The following TTN variants were observed in gnomAD, a reference collection of about 807,000 sequenced individuals.
TTN encodes the protein titin, also known as connectin.
TTN carries 1,525 observed loss-of-function variants against 3,223.0 expected under a neutral mutation model. The ratio of observed to expected loss-of-function variants is 0.47; its 90% confidence interval spans 0.45 to 0.49. TTN has a LOEUF of 0.49. Among genes scored for constraint, TTN ranks in the 20% least tolerant of loss-of-function variants. TTN has a pLI of 0.00. For missense variants in TTN, 40,786 were observed against 43,424.0 expected (o/e 0.94, Z 5.40); for synonymous variants, 14,094 against 15,161.0 (o/e 0.93, Z 5.17).
At position 178,571,399 on chromosome 2, in the gene TTN, A is replaced by C. The variant is rs1708130618; in HGVS notation, c.74733T>G (p.Pro24911=). ...ACAGTGTGACAACTGGAGTGCCAGG[A>C]GGACCAGGAACTTTGAATGGATATT... is the stretch of plus-strand genomic sequence containing the variant. ...VAQYPFKVPG[P]PGTPVVTLSS... Residue 24911 remains proline, a synonymous_variant, in exon 326 of 363, where the codon CCT becomes CCG. Transcript: ENST00000589042. 6.2e-7 allele frequency: 1 copy of C among 1,613,394 alleles called. No individual in the cohort carries two copies. Among genetic ancestry groups the C allele is most frequent in the Non-Finnish European group, 8.5e-7 (1 of 1,179,560 alleles).
chr2:178,629,170 C>T lies in TTN; in HGVS notation c.44424+131G>A, dbSNP rs562522787. 1.3e-4 allele frequency: 166 copies of T among 1,277,770 alleles called. No individual in the cohort carries two copies. In the South Asian group the frequency reaches 2.8e-3, roughly 22 times the overall value. 79.2% of individuals were successfully genotyped at this position (1,277,770 alleles called of 1,614,324 possible). ...CTTTACAGTTTCAGCAGAAATCAGG[C>T]TAAAGGCGGAAAGAGAAAGGCAAAG... On this transcript the variant is annotated intron_variant, in intron 240 of 362. Coordinates refer to ENST00000589042, the MANE Select transcript of TTN (RefSeq NM_001267550.2).
In TTN at chr2:178,720,375, G is replaced by A. The variant is rs766310887; in HGVS notation, c.23377+10C>T. 1 of 1,604,526 alleles carries A rather than the reference G, an allele frequency of 6.2e-7. No homozygotes were observed. The stretch of plus-strand genomic sequence containing the variant: ...AAGGGGCATATATTTTTGTGTCCAT[G>A]TATACAAACCTTTGAACTTGACAGA... On this transcript the variant is annotated intron_variant, in intron 80 of 362. Coordinates refer to ENST00000589042, the MANE Select transcript of TTN (RefSeq NM_001267550.2).
At chr2:178,555,217 CA>C in intron 330 of TTN, 65 bp from the exon 331 acceptor site, 1 of 1,482,010 alleles carries the variant, frequency 6.7e-7, no homozygotes, top group Non-Finnish European at 9.2e-7. Flanking sequence ...ATAGTTGCAC[CA>C]ACCTTAAAGT....
Position 178,733,072 on chromosome 2 carries a change from A to AT in TTN, c.16103_16104insA (p.Ser5368ArgfsTer4). 6.2e-7 allele frequency: 1 copy of AT among 1,609,676 alleles called. No individual in the cohort carries two copies. The highest frequency in any genetic ancestry group is 8.5e-7 in the Non-Finnish European group (1 of 1,177,294). On this transcript the variant is annotated frameshift_variant, in exon 55 of 363. Coordinates refer to ENST00000589042, the MANE Select transcript of TTN (RefSeq NM_001267550.2). LOFTEE classifies it high-confidence loss of function. ...CCAGTCTGCAGGTACCATTAACAAC[A>AT]CTATCCACGTTGCGCAAGGGTTTGG...
Position 178,539,722 on chromosome 2 carries a change from A to G in TTN, c.98343T>C (p.Cys32781=). The G allele has an allele frequency of 6.2e-7, 1 of 1,613,774 alleles. No individual in the cohort carries two copies. Among genetic ancestry groups the G allele is most frequent in the African/African-American group, 1.3e-5 (1 of 75,014 alleles). The change falls in exon 352 of 363, where the codon TGT becomes TGC. Residue 32781 remains cysteine (C), a synonymous_variant. Transcript: ENST00000589042. The part of the protein sequence containing the change: ...GTYDLVLENK[C]GKKAVYIKVR... ...CCTTGATGTAGACAGCCTTCTTGCC[A>G]CATTTATTTTCCAGAACCAGGTCAT...
At chr2:178,559,052 CATAT>C (rs1702621331) in intron 326 of TTN, 1 of 310,920 alleles carries the variant, frequency 3.2e-6, no homozygotes, top group Non-Finnish European at 5.8e-6. Flanking sequence ...TGTATACCTA[CATAT>C]ATATACAGTT....
At chr2:178,596,114 C>T (rs1373371374) in intron 294 of TTN, among the ~76,000 whole-genome samples, 1 of 151,696 alleles carries the variant, frequency 6.6e-6, no homozygotes, top group South Asian at 2.1e-4. Context: ...CCTCAGCCTC[C>T]CAAGTAGCTG....
rs16866531 is a variant in TTN at position 178,778,905 on chromosome 2, T to C, written c.4177A>G (p.Ile1393Val). The C allele has an allele frequency of 6.9e-3, 11,170 of 1,613,932 alleles. 694 individuals carry two copies. In the African/African-American group the frequency reaches 0.13, roughly 19 times the overall value. The change falls in exon 24 of 363, where the codon ATT (isoleucine) becomes GTT (valine). Residue 1393 changes from isoleucine (I) to valine (V), a missense_variant. Coordinates refer to ENST00000589042, the MANE Select transcript of TTN (RefSeq NM_001267550.2). The stretch of plus-strand genomic sequence containing the variant: ...CTGCTCACTGGCTCTAGTGTGGGAA[T>C]GTAAGTCGGAGCTCCAAGTGGTGCA... ...PAAPLGAPTYIPTLEPVSRIR... is the reference protein window; with the variant it reads ...PAAPLGAPTYVPTLEPVSRIR...
chr2:178,685,210 C>G (rs1172779794), intron 129 of TTN, 43 bp downstream of exon 129: 2 of 1,445,194 alleles, frequency 1.4e-6, no homozygotes, highest in Admixed American at 4.7e-5. Flanking sequence ...TTATTATATA[C>G]ATTAAAATAA....
chr2:178,568,603 T>A lies in TTN; in HGVS notation c.77529A>T (p.Arg25843Ser), dbSNP rs2154167135. ...GATCCAGTGAATCGGTAACATTGATTCTTGTGGTCTGCTTCAGTGGGAGAC... is the reference window on the plus strand; with the variant it reads ...GATCCAGTGAATCGGTAACATTGATACTTGTGGTCTGCTTCAGTGGGAGAC... ...KDGLPLKQTT[R>S]INVTDSLDLT... Residue 25843 changes from arginine (R) to serine (S), a missense_variant, in exon 326 of 363, where the codon AGA becomes AGT. Coordinates refer to ENST00000589042, the MANE Select transcript of TTN (RefSeq NM_001267550.2). 1 of 1,613,402 alleles carries A rather than the reference T, an allele frequency of 6.2e-7. No homozygotes were observed. The highest frequency in any genetic ancestry group is 1.1e-5 in the South Asian group (1 of 91,058).
In TTN at chr2:178,617,781, A is replaced by G. The variant is rs886055272; in HGVS notation, c.47570T>C (p.Ile15857Thr). The change falls in exon 253 of 363, where the codon ATT becomes ACT. Residue 15857 changes from isoleucine (I) to threonine (T), a missense_variant and splice_region_variant. Physicochemically the swap from Ile to Thr is moderately conservative, Grantham distance 89 (BLOSUM62 -1). Coordinates refer to ENST00000589042, the MANE Select transcript of TTN (RefSeq NM_001267550.2). ...ATPFVKVADP[I>T]ERPSPPVNLT... ...TTTCCCTTTTTTGATGGGCTTACCA[A>G]TTGGATCAGCAACTTTGACGAAGGG... 40 of 1,612,048 alleles carry G rather than the reference A, an allele frequency of 2.5e-5. No homozygotes were observed. The highest frequency in any genetic ancestry group is 5.3e-5 in the African/African-American group (4 of 74,778).
At chr2:178,538,920 T>G in intron 353 of TTN, 26 bp downstream of exon 353, 1 of 1,591,192 alleles carries the variant, frequency 6.3e-7, no homozygotes, top group Non-Finnish European at 8.6e-7. Flanking sequence ...CTTCTTTAAT[T>G]TAACCCCTTC....
rs752485989 is a variant in TTN at position 178,570,410 on chromosome 2, A to G, written c.75722T>C (p.Ile25241Thr). 6.8e-6 allele frequency: 11 copies of G among 1,613,126 alleles called. No individual in the cohort carries two copies. The highest frequency in any genetic ancestry group is 4.5e-5 in the East Asian group (2 of 44,688). Residue 25241 changes from isoleucine to threonine, a missense_variant, in exon 326 of 363, where the codon ATT becomes ACT. Physicochemically the swap from Ile to Thr is moderately conservative, Grantham distance 89 (BLOSUM62 -1). Transcript: ENST00000589042. Reference sequence around the variant, plus strand: ...GCGGCTGGTTTCTCTCCTTTCCACAATATAATTTATGATGTCACTCCCACC... The same window carrying G: ...GCGGCTGGTTTCTCTCCTTTCCACAGTATAATTTATGATGTCACTCCCACC... Reference protein sequence around the residue: ...QDGGSDIINYIVERRETSRLV... With the variant: ...QDGGSDIINYTVERRETSRLV...
intron 151 of TTN, among the ~76,000 whole-genome samples, 181 bp downstream of exon 151, chr2:178,674,133 T>C (rs917886937): frequency 7.9e-5 from 12 of 151,760 alleles, no homozygotes; most frequent in African/African-American, 2.9e-4. Context: ...GTATTGCAGA[T>C]GTTGTAGAAA....
chr2:178,731,397 C>G lies in TTN; in HGVS notation c.17369G>C (p.Ser5790Thr). 10 of 1,613,812 alleles carry G rather than the reference C, an allele frequency of 6.2e-6. No individual in the cohort carries two copies. The highest frequency in any genetic ancestry group is 8.5e-6 in the Non-Finnish European group (10 of 1,179,796). The change falls in exon 59 of 363, where the codon AGT (serine) becomes ACT (threonine). Residue 5790 changes from serine (S) to threonine (T), a missense_variant. By Grantham distance (58) the Ser-to-Thr change is moderately conservative. Transcript: ENST00000589042. ...FENNVASLYL[S>T]GIEVKHDGKY... ...CCCATCATGCTTGACTTCAATGCCA[C>G]TGAGGTACAAACTGGCCACATTGTT...
At chr2:178,763,984 TA>T (rs1472297105) in intron 43 of TTN, among the ~76,000 whole-genome samples, 192 bp downstream of exon 43, 1 of 152,184 alleles carries the variant, frequency 6.6e-6, no homozygotes, top group African/African-American at 2.4e-5. Context: ...CAACCATTAT[TA>T]AGGGCACAAA....
rs756455602 is a variant in TTN at position 178,722,544 on chromosome 2, G to A, written c.22243C>T (p.Arg7415Cys). 27 of 1,610,384 alleles carry A rather than the reference G, an allele frequency of 1.7e-5. 1 individual carries two copies. The highest frequency in any genetic ancestry group is 3.3e-5 in the South Asian group (3 of 90,566). The change falls in exon 77 of 363, where the codon CGC (arginine) becomes TGC (cysteine). Residue 7415 changes from arginine (R) to cysteine (C), a missense_variant and splice_region_variant. Physicochemically the swap from Arg to Cys is radical, Grantham distance 180 (BLOSUM62 -3). Coordinates refer to ENST00000589042, the MANE Select transcript of TTN (RefSeq NM_001267550.2). ...CTTGCAAAAGAAGGTGGGAGTTGGC[G>A]CTCTGTAGGGAGACATGTAATACTT... ...SSKTVFRIQE[R>C]QLPPSFARQL...
rs755888927 is a variant in TTN, at chr2:178,738,197, C to T, written c.14256G>A (p.Lys4752=). The T allele has an allele frequency of 5.0e-6, 8 of 1,613,598 alleles. No homozygotes were observed. The highest frequency in any genetic ancestry group is 1.6e-4 in the Middle Eastern group (1 of 6,082). ...ESDKCSIRSS[K]YISSLEILRT... is the part of the protein sequence containing the mutation. ...TCAGGATTTCAAGGCTGGAGATATA[C>T]TTTGAAGATCGAATAGAACACTTGT... The change falls in exon 49 of 363, where the codon AAG becomes AAA. Residue 4752 remains lysine (K), a synonymous_variant. Transcript: ENST00000589042.
rs145803192 is a variant in TTN, at chr2:178,749,297, T to C, written c.11311+3827A>G. 1.4e-5 allele frequency: 22 copies of C among 1,611,784 alleles called. No individual in the cohort carries two copies. In the African/African-American group the frequency reaches 2.0e-4, roughly 15 times the overall value. ...CTCTGCTTGGTGCAGCTTTGATTTT[T>C]CACTTACATGTCTCTCTTTCCCTTC... is the stretch of plus-strand genomic sequence containing the variant. On this transcript the variant is annotated intron_variant, in intron 47 of 362. Transcript: ENST00000589042.
Sources: allele counts gnomAD v4.1 joint callset (sites outside exome capture counted in the v4.1 genomes callset), GRCh38; gene constraint gnomAD v4.1.1; transcripts MANE v1.5; gene names NCBI Gene and HGNC (gene_info 2026-07-23, HGNC 2026-07-21).